Variants in IMPG1 observed in about 807,000 individuals in gnomAD.
The protein encoded by IMPG1 is interphotoreceptor matrix proteoglycan of 150 kDa.
Under a neutral mutation model 92.0 loss-of-function variants are expected in IMPG1, and 85 were observed. That is an observed-to-expected ratio of 0.92 (90% CI 0.78 to 1.11). The LOEUF (loss-of-function observed/expected upper bound fraction) is 1.11. Ranked by LOEUF, IMPG1 falls within the 50% of genes least tolerant of loss-of-function variation. The probability of loss-of-function intolerance (pLI) is 0.00; values close to 1 mark genes in which losing one functional copy is unlikely to be tolerated. For synonymous variants in IMPG1, 367 were observed against 334.1 expected (o/e 1.10, Z -1.08); for missense variants, 1,022 against 956.0 (o/e 1.07, Z -0.91).
At chr6:75,959,711 C>A (rs1315725930) in intron 12 of IMPG1, among the ~76,000 whole-genome samples, 1 of 152,152 alleles carries the variant, frequency 6.6e-6, no homozygotes, top group East Asian at 1.9e-4. Flanking sequence ...GACTCCCTTC[C>A]CCTCACCAAG....
chr6:76,007,380 A>C, intron 9 of IMPG1, 100 bp downstream of exon 9: 1 of 855,878 alleles, frequency 1.2e-6, no homozygotes, highest in Non-Finnish European at 1.9e-6. Context: ...TAATGGGCTT[A>C]TCCAAGACAT....
intron 12 of IMPG1, among the ~76,000 whole-genome samples, chr6:75,974,914 G>A (rs540781066): frequency 3.3e-5 from 5 of 152,196 alleles, no homozygotes; most frequent in Admixed American, 6.5e-5. Flanking sequence ...CAGAGGCTTG[G>A]TTTTTATGCA....
intron 8 of IMPG1, among the ~76,000 whole-genome samples, chr6:76,008,380 A>G (rs1220789036): frequency 6.6e-6 from 1 of 152,162 alleles, no homozygotes; most frequent in African/African-American, 2.4e-5. Context: ...TTTACATTTC[A>G]AATGGTAGTT....
chr6:75,921,661 C>T lies in IMPG1; in HGVS notation c.*428G>A, dbSNP rs1781431943. 2 of 183,822 alleles carry T rather than the reference C, an allele frequency of 1.1e-5. No homozygotes were observed. Among genetic ancestry groups the T allele is most frequent in the South Asian group, 2.3e-4 (2 of 8,606 alleles). 11.4% of individuals were successfully genotyped at this position (183,822 alleles called of 1,614,324 possible). A position where few individuals can be genotyped will look rare whatever the true frequency, so the allele number is the denominator to read the frequency against. ...CATGCGTTTAGAGAGACCTGCATCT[C>T]CCTGCGTAAGTAGTCATCTTTTAAA... On this transcript the variant is annotated 3_prime_UTR_variant, in exon 17 of 17. Coordinates refer to ENST00000369950, the MANE Select transcript of IMPG1 (RefSeq NM_001563.4).
At chr6:75,924,647 A>ATAT (rs1388791638) in intron 15 of IMPG1, among the ~76,000 whole-genome samples, 5 of 3,400 alleles carry the variant, frequency 1.5e-3, no homozygotes, top group African/African-American at 2.2e-3. Context: ...ATATATAATT[A>ATAT]ATTATATATA....
intron 1 of IMPG1, among the ~76,000 whole-genome samples, chr6:76,044,637 AT>A (rs1453965553): frequency 6.6e-6 from 1 of 151,200 alleles, no homozygotes; most frequent in Non-Finnish European, 1.5e-5. Flanking sequence ...CTGTCCTGGA[AT>A]TTTTTTCCAG....
chr6:76,014,075 T>C (rs1311853894), intron 7 of IMPG1, among the ~76,000 whole-genome samples: 4 of 152,362 alleles, frequency 2.6e-5, no homozygotes, highest in South Asian at 2.1e-4. Flanking sequence ...ACTTTCTAGC[T>C]GCAAGATCCT....
At chr6:76,018,385 C>A (rs747788100) in intron 7 of IMPG1, among the ~76,000 whole-genome samples, 2 of 152,148 alleles carry the variant, frequency 1.3e-5, no homozygotes, top group African/African-American at 4.8e-5. Context: ...ATATGTTAGG[C>A]TACTATTGAC....
intron 6 of IMPG1, among the ~76,000 whole-genome samples, chr6:76,021,778 C>CATATATATATAT (rs140827081): frequency 0.051 from 2,538 of 49,448 alleles, 181 homozygotes; most frequent in African/African-American, 0.073. Flanking sequence ...ACTTGGAGAG[C>CATATATATATAT]ATATATATAT....
intron 12 of IMPG1, among the ~76,000 whole-genome samples, chr6:75,970,501 T>A (rs1341270320): frequency 3.3e-5 from 5 of 152,166 alleles, no homozygotes; most frequent in Admixed American, 6.5e-5. Context: ...TCAGTCCCAA[T>A]CATACCTTGT....
intron 2 of IMPG1, among the ~76,000 whole-genome samples, chr6:76,037,511 CT>C (rs1245822991): frequency 6.6e-6 from 1 of 152,120 alleles, no homozygotes; most frequent in Non-Finnish European, 1.5e-5. Context: ...GTTTTAATGC[CT>C]TTTCTGATAC....
intron 1 of IMPG1, among the ~76,000 whole-genome samples, chr6:76,059,818 AC>A (rs1361526556): frequency 1.3e-5 from 2 of 152,206 alleles, no homozygotes; most frequent in Admixed American, 6.6e-5. Flanking sequence ...ATGATTGTTA[AC>A]ATAATTACTG....
chr6:76,048,491 T>C (rs1185475772), intron 1 of IMPG1, among the ~76,000 whole-genome samples: 2 of 152,190 alleles, frequency 1.3e-5, no homozygotes, highest in Non-Finnish European at 2.9e-5. Context: ...CTTTGCCTCC[T>C]GTGACTATTT....
chr6:76,072,634 T>G lies in IMPG1; in HGVS notation c.-146A>C. Reference sequence around the variant, plus strand: ...TCTTGGTTTACCTTTATGAGGGTGTTAATTTATGAAGAACATGTAGCAGTG... The same window carrying G: ...TCTTGGTTTACCTTTATGAGGGTGTGAATTTATGAAGAACATGTAGCAGTG... On this transcript the variant is annotated 5_prime_UTR_variant, in exon 1 of 17. The change abolishes the stop of an existing upstream ORF in the 5' untranslated region. Coordinates refer to ENST00000369950, the MANE Select transcript of IMPG1 (RefSeq NM_001563.4). 1.8e-6 allele frequency: 1 copy of G among 547,274 alleles called. No homozygotes were observed. The highest frequency in any genetic ancestry group is 2.5e-5 in the South Asian group (1 of 40,188). The allele number at this position is 547,274 out of a possible 1,614,324, so 33.9% of individuals were successfully genotyped here. A position where few individuals can be genotyped will look rare whatever the true frequency, so the allele number is the denominator to read the frequency against.
At chr6:75,942,054 G>A (rs1302729651) in intron 14 of IMPG1, among the ~76,000 whole-genome samples, 1 of 152,160 alleles carries the variant, frequency 6.6e-6, no homozygotes, top group African/African-American at 2.4e-5. Flanking sequence ...TACGAAGGTG[G>A]TCAGGGAAGG....
At position 76,072,433 on chromosome 6, in the gene IMPG1, T is replaced by A. The variant is rs1784416254; in HGVS notation, c.56A>T (p.Gln19Leu). ...IFVFWIFLQV[Q>L]GTKDISINIY... The stretch of plus-strand genomic sequence containing the variant: ...TTTAAGTAACTTACCTTTGGTTCCT[T>A]GAACTTGGAGAAAAATCCAAAAAAC... Residue 19 changes from glutamine to leucine, a missense_variant, in exon 1 of 17, where the codon CAA (glutamine) becomes CTA (leucine). By Grantham distance (113) the Gln-to-Leu change is moderately radical. Coordinates refer to ENST00000369950, the MANE Select transcript of IMPG1 (RefSeq NM_001563.4). 1 of 1,579,506 alleles carries A rather than the reference T, an allele frequency of 6.3e-7. No homozygotes were observed. The highest frequency in any genetic ancestry group is 1.4e-5 in the African/African-American group (1 of 73,890).
rs566791110 is a variant in IMPG1, at chr6:75,952,140, T to A, written c.1292-1046A>T. Among the ~76,000 whole-genome samples, 31 of 152,302 alleles carry A rather than the reference T, an allele frequency of 2.0e-4. 1 individual carries two copies. Among genetic ancestry groups the A allele is most frequent in the Admixed American group, 2.0e-3 (31 of 15,290 alleles). ...TGAGAAAGTGGTGGGAACTTTCAGA[T>A]AAACAGATTGTTGAATTATTAAAAT... On this transcript the variant is annotated intron_variant, in intron 12 of 16. Coordinates refer to ENST00000369950, the MANE Select transcript of IMPG1 (RefSeq NM_001563.4).
intron 14 of IMPG1, chr6:75,934,836 A>C: frequency 2.5e-6 from 1 of 402,166 alleles, no homozygotes; most frequent in Non-Finnish European, 5.4e-6. Flanking sequence ...CTCTTGCCGC[A>C]TGTCCTACTG....
intron 4 of IMPG1, among the ~76,000 whole-genome samples, chr6:76,029,437 TG>T (rs1783614815): frequency 6.6e-6 from 1 of 152,256 alleles, no homozygotes; most frequent in East Asian, 1.9e-4. Context: ...ATTATGATTT[TG>T]TTTTTAACAA....
Sources: gnomAD v4.1 joint callset for allele counts (sites outside exome capture counted in the v4.1 genomes callset) on GRCh38, gnomAD v4.1.1 for gene constraint, MANE v1.5 for transcripts, NCBI Gene and HGNC (gene_info 2026-07-23, HGNC 2026-07-21) for gene names.